Variants in PTPRN2 observed in about 807,000 individuals in gnomAD.
PTPRN2 encodes the protein receptor-type tyrosine-protein phosphatase N2.
PTPRN2 carries 74 observed loss-of-function variants against 118.8 expected under a neutral mutation model. The observed-to-expected ratio is 0.62, with a 90% CI of 0.52 to 0.76. The LOEUF (loss-of-function observed/expected upper bound fraction) is 0.76, where lower values mean the gene tolerates loss of function less well. Ranked by LOEUF, PTPRN2 falls within the 30% of genes least tolerant of loss-of-function variation. PTPRN2 has a pLI of 0.00. For synonymous variants in PTPRN2, 641 were observed against 608.0 expected, an observed-to-expected ratio of 1.05 and a Z score of -0.80; for missense variants, 1,481 against 1,394.4, an observed-to-expected ratio of 1.06 and a Z score of -0.99.
In PTPRN2 at chr7:157,874,815, A is replaced by G. The variant is rs28446390; in HGVS notation, c.1788+23858T>C. Reference sequence around the variant, plus strand: ...CACATATACACACAGAGACACACTCATGGACACACACAGAGACACACTCAT... The same window carrying G: ...CACATATACACACAGAGACACACTCGTGGACACACACAGAGACACACTCAT... On this transcript the variant is annotated intron_variant, in intron 12 of 22. Transcript: ENST00000389418. This position sits in a 1 kb window ranked among gnomAD's most constrained non-coding sequence, Gnocchi z 5.8. 9.0e-6 allele frequency among the ~76,000 whole-genome samples: 1 copy of G among 110,838 alleles called. No individual in the cohort carries two copies. Among genetic ancestry groups the G allele is most frequent in the African/African-American group, 3.2e-5 (1 of 31,266 alleles). 72.7% of individuals were successfully genotyped at this position (110,838 alleles called of 152,430 possible).
At chr7:158,237,995 G>C (rs536067326) in intron 3 of PTPRN2, among the ~76,000 whole-genome samples, 3 of 152,308 alleles carry the variant, frequency 2.0e-5, no homozygotes, top group African/African-American at 7.2e-5. Context: ...GGCCACACCT[G>C]TGCTGGCTGC....
chr7:157,633,068 A>C (rs933325032), intron 14 of PTPRN2, among the ~76,000 whole-genome samples: 1 of 152,032 alleles, frequency 6.6e-6, no homozygotes, highest in Non-Finnish European at 1.5e-5. Context: ...GGGATGACCT[A>C]GGTTCGGGAG....
intron 2 of PTPRN2, among the ~76,000 whole-genome samples, chr7:158,386,857 G>A (rs1372323832): frequency 2.0e-5 from 3 of 152,042 alleles, no homozygotes; most frequent in African/African-American, 2.4e-5. Flanking sequence ...TACCCTAGGA[G>A]ATGAATGGGA....
In PTPRN2 at chr7:158,151,516, A is replaced by AC. The variant is rs1563522303; in HGVS notation, c.911-13002dup. Among the ~76,000 whole-genome samples the AC allele has an allele frequency of 1.7e-3, 18 of 10,446 alleles. 1 individual carries two copies. Among genetic ancestry groups the AC allele is most frequent in the East Asian group, 0.011 (3 of 272 alleles). The allele number at this position is 10,446 out of a possible 152,430, so 6.9% of individuals were successfully genotyped here. A position where few individuals can be genotyped will look rare whatever the true frequency, so the allele number is the denominator to read the frequency against. ...CACACCGCCCGCCTTTCTGCTCCTC[A>AC]CCGCACGTCCTACTCCAGGCGATCT... On this transcript the variant is annotated intron_variant, in intron 6 of 22. Transcript: ENST00000389418.
intron 11 of PTPRN2, among the ~76,000 whole-genome samples, chr7:157,970,636 AC>A (rs10624378): frequency 0.014 from 1,527 of 111,230 alleles, 60 homozygotes; most frequent in African/African-American, 0.033. Context: ...CTCAGAGCGG[AC>A]CCCCCCCCCC....
intron 11 of PTPRN2, among the ~76,000 whole-genome samples, chr7:158,051,536 C>T (rs544925748): frequency 1.1e-4 from 17 of 152,296 alleles, no homozygotes; most frequent in African/African-American, 4.1e-4. Context: ...AGGCCTTTTG[C>T]AGTAGCTGTG....
At chr7:157,973,122 G>A (rs146332176) in intron 11 of PTPRN2, among the ~76,000 whole-genome samples, 10 of 152,324 alleles carry the variant, frequency 6.6e-5, no homozygotes, top group Middle Eastern at 3.4e-3. Flanking sequence ...GGGCTGCAGC[G>A]GCCTCACTGG....
chr7:157,737,579 C>T (rs886965314), intron 12 of PTPRN2, among the ~76,000 whole-genome samples: 2 of 152,268 alleles, frequency 1.3e-5, no homozygotes, highest in Admixed American at 6.5e-5. Context: ...ATCCCCTGGC[C>T]TGGCTTCTCT....
At position 157,588,593 on chromosome 7, in the gene PTPRN2, G is replaced by A. The variant is rs538142846; in HGVS notation, c.2496+6645C>T. ...CCTTGCTTCCCCGTGGGGAAGTCTC[G>A]GCACCTGGAGAAAGCGTCACTTTAT... On this transcript the variant is annotated intron_variant, in intron 17 of 22. Coordinates refer to ENST00000389418, the MANE Select transcript of PTPRN2 (RefSeq NM_002847.5). 2.6e-5 allele frequency among the ~76,000 whole-genome samples: 4 copies of A among 152,318 alleles called. No individual in the cohort carries two copies. The East Asian group carries it at 5.8e-4, about 22-fold the overall frequency.
chr7:158,140,637 G>A lies in PTPRN2; in HGVS notation c.911-2122C>T, dbSNP rs148485115. ...CAGAAGATGAAGTTCAAGGATGGGC[G>A]AGGTCTGCCCAGGGCAACCAGAGCC... On this transcript the variant is annotated intron_variant, in intron 6 of 22. Transcript: ENST00000389418. 2.8e-4 allele frequency among the ~76,000 whole-genome samples: 43 copies of A among 152,324 alleles called. 1 individual carries two copies. Among genetic ancestry groups the A allele is most frequent in the Middle Eastern group, 3.4e-3 (1 of 294 alleles).
chr7:157,782,008 G>A (rs1450525055), intron 12 of PTPRN2, among the ~76,000 whole-genome samples: 1 of 152,222 alleles, frequency 6.6e-6, no homozygotes, highest in East Asian at 1.9e-4. Flanking sequence ...CCACAGACGG[G>A]AGTAGGTTCC....
At chr7:158,150,014 G>C (rs979395080) in intron 6 of PTPRN2, among the ~76,000 whole-genome samples, 4 of 152,214 alleles carry the variant, frequency 2.6e-5, no homozygotes, top group Non-Finnish European at 4.4e-5. Context: ...AGACACATCA[G>C]ATTTAGGTGG....
chr7:157,981,925 C>CT (rs1803184577), intron 11 of PTPRN2, among the ~76,000 whole-genome samples: 3 of 152,392 alleles, frequency 2.0e-5, no homozygotes, highest in Middle Eastern at 3.4e-3. Flanking sequence ...ATGTGGGGTC[C>CT]CCCCAAACCC....
rs534478474 is a variant in PTPRN2, at chr7:158,347,282, A to T, written c.164-30350T>A. ...CTTTTGAGTTTTTGTATGTGGTGAG[A>T]GATAAGTTCTAATTTCATTCTTCTG... is the stretch of plus-strand genomic sequence containing the variant. On this transcript the variant is annotated intron_variant, in intron 2 of 22. Transcript: ENST00000389418. Among the ~76,000 whole-genome samples the T allele has an allele frequency of 2.6e-5, 4 of 152,226 alleles. No homozygotes were observed. In the East Asian group the frequency reaches 7.7e-4, roughly 29 times the overall value.
At chr7:158,037,853 G>T (rs925163913) in intron 11 of PTPRN2, among the ~76,000 whole-genome samples, 2 of 152,350 alleles carry the variant, frequency 1.3e-5, no homozygotes, top group East Asian at 1.9e-4. Context: ...TTGTCAGAAA[G>T]ATTTCACATT....
intron 21 of PTPRN2, among the ~76,000 whole-genome samples, chr7:157,565,602 C>T (rs1375408301): frequency 5.3e-5 from 8 of 152,218 alleles, no homozygotes; most frequent in Admixed American, 6.5e-5. Flanking sequence ...TGAAGCCTGA[C>T]CCCACCCAGC....
intron 11 of PTPRN2, chr7:158,028,564 A>G (rs1807449487): frequency 6.6e-6 from 1 of 152,384 alleles, no homozygotes; most frequent in Non-Finnish European, 1.5e-5. Context: ...AGGAGGAGAC[A>G]GGTGGACTCC....
At chr7:158,233,215 C>A (rs1829283308) in intron 3 of PTPRN2, among the ~76,000 whole-genome samples, 1 of 152,274 alleles carries the variant, frequency 6.6e-6, no homozygotes, top group Non-Finnish European at 1.5e-5. Context: ...CTGACAAATT[C>A]AGTAAAGTTG....
rs576441793 is a variant in PTPRN2, at chr7:157,998,801, G to C, written c.1723+82497C>G. On this transcript the variant is annotated intron_variant, in intron 11 of 22. Transcript: ENST00000389418. ...TGCACCACTGCACTCTAGCCTGGGT[G>C]ACAGATACTCCATCTCAAAAAAAAA... is the stretch of plus-strand genomic sequence containing the variant. Among the ~76,000 whole-genome samples, 70 of 134,014 alleles carry C rather than the reference G, an allele frequency of 5.2e-4. 1 individual carries two copies. Among genetic ancestry groups the C allele is most frequent in the African/African-American group, 2.0e-3 (67 of 34,216 alleles). The allele number at this position is 134,014 out of a possible 152,430, so 87.9% of individuals were successfully genotyped here.
Sources: allele counts gnomAD v4.1 joint callset (sites outside exome capture counted in the v4.1 genomes callset), GRCh38; gene constraint gnomAD v4.1.1; non-coding constraint Gnocchi (gnomAD v3.1); transcripts MANE v1.5; gene names NCBI Gene and HGNC (gene_info 2026-07-23, HGNC 2026-07-21).